EPM2A: variants seen among roughly 807,000 people sequenced by gnomAD.
EPM2A encodes the protein laforin.
In EPM2A, 21 loss-of-function variants were observed where a neutral mutation model predicts 26.5. The observed-to-expected ratio is 0.79, with a 90% CI of 0.56 to 1.14. The LOEUF (loss-of-function observed/expected upper bound fraction) is 1.14. EPM2A is among the 50% of genes most tolerant of loss of function. The pLI is 0.00. For missense variants in EPM2A, 458 were observed against 440.8 expected, an observed-to-expected ratio of 1.04 and a Z score of -0.35; for synonymous variants, 217 against 177.6, an observed-to-expected ratio of 1.22 and a Z score of -1.76.
chr6:145,671,831 T>C (rs1779666451), intron 2 of EPM2A, among the ~76,000 whole-genome samples: 1 of 152,242 alleles, frequency 6.6e-6, no homozygotes, highest in African/African-American at 2.4e-5. Context: ...GGTAAAAGTA[T>C]AAACATGCTT....
intron 2 of EPM2A, among the ~76,000 whole-genome samples, chr6:145,654,926 C>T (rs573369122): frequency 8.6e-5 from 13 of 150,914 alleles, no homozygotes; most frequent in Admixed American, 4.0e-4. Context: ...TTTTTTTTAC[C>T]GATGATAGTA....
intron 2 of EPM2A, among the ~76,000 whole-genome samples, chr6:145,683,268 GGTGTGTGTGTGTGT>G (rs35326843): frequency 9.0e-5 from 12 of 134,010 alleles, no homozygotes; most frequent in Admixed American, 4.8e-4. Flanking sequence ...CCCAGGATTT[GGTGTGTGTGTGTGT>G]GTGTGTGTGT....
chr6:145,496,656 CTG>C (rs1244020796), downstream of EPM2A, among the ~76,000 whole-genome samples: 2 of 151,062 alleles, frequency 1.3e-5, no homozygotes, highest in African/African-American at 4.9e-5. Context: ...AATTCCTGTA[CTG>C]TGTTTTTCAG....
chr6:145,735,574 C>T (rs2128650235), upstream of EPM2A: 2 of 1,101,106 alleles, frequency 1.8e-6, no homozygotes, highest in East Asian at 5.2e-5. Flanking sequence ...ACTAGGCGGC[C>T]GCAGCGATTG....
intron 2 of EPM2A, among the ~76,000 whole-genome samples, chr6:145,574,607 G>A (rs1480078308): frequency 6.6e-6 from 1 of 152,170 alleles, no homozygotes; most frequent in East Asian, 1.9e-4. Flanking sequence ...CAGCTGGGAT[G>A]AGTAGGTCTA....
chr6:145,625,507 T>G lies in EPM2A; in HGVS notation c.*1909A>C. ...TATCATGGAAATTATGAAGCTGGAT[T>G]TCTTAGACATTAAAGAAATTCACAG... On this transcript the variant is annotated 3_prime_UTR_variant, in exon 4 of 4. Transcript: ENST00000367519. 1.8e-6 allele frequency: 1 copy of G among 556,404 alleles called. No homozygotes were observed. The highest frequency in any genetic ancestry group is 2.9e-5 in the East Asian group (1 of 34,678). 34.5% of individuals were successfully genotyped at this position (556,404 alleles called of 1,614,324 possible).
At chr6:145,678,222 C>T (rs1005703274) in intron 2 of EPM2A, among the ~76,000 whole-genome samples, 3 of 152,094 alleles carry the variant, frequency 2.0e-5, no homozygotes, top group East Asian at 3.9e-4. Flanking sequence ...AACTGGCTAG[C>T]AGTATGTAGA....
intron 1 of EPM2A, among the ~76,000 whole-genome samples, chr6:145,724,752 A>G (rs1430223773): frequency 6.6e-6 from 1 of 152,074 alleles, no homozygotes; most frequent in East Asian, 1.9e-4. Context: ...AATAATGGAC[A>G]GTATTTTCAA....
intron 2 of EPM2A, among the ~76,000 whole-genome samples, chr6:145,545,733 A>G (rs1780574270): frequency 6.6e-6 from 1 of 152,106 alleles, no homozygotes; most frequent in Non-Finnish European, 1.5e-5. Context: ...TGCTCATTGC[A>G]TCTACCTCAC....
At chr6:145,540,223 C>T (rs749625759) in intron 2 of EPM2A, among the ~76,000 whole-genome samples, 1 of 152,144 alleles carries the variant, frequency 6.6e-6, no homozygotes, top group South Asian at 2.1e-4. Flanking sequence ...TGCTGTATCT[C>T]AAACTTTCTA....
At chr6:145,482,521 T>C (rs1779622981) in intron 4 of EPM2A, among the ~76,000 whole-genome samples, 1 of 152,124 alleles carries the variant, frequency 6.6e-6, no homozygotes, top group Non-Finnish European at 1.5e-5. Flanking sequence ...TCTATTTATT[T>C]AAATAAAAGT....
intron 2 of EPM2A, among the ~76,000 whole-genome samples, chr6:145,532,495 G>A (rs1321197444): frequency 6.6e-6 from 1 of 152,122 alleles, no homozygotes; most frequent in African/African-American, 2.4e-5. Flanking sequence ...GCTCTCTGGG[G>A]GTGGGGGGAG....
At chr6:145,651,495 G>C (rs556071600) in intron 2 of EPM2A, among the ~76,000 whole-genome samples, 1 of 152,194 alleles carries the variant, frequency 6.6e-6, no homozygotes, top group Non-Finnish European at 1.5e-5. Flanking sequence ...TCAATGTAAA[G>C]GAAGCTGGTC....
intron 2 of EPM2A, among the ~76,000 whole-genome samples, chr6:145,651,270 T>C (rs1179667113): frequency 1.3e-5 from 2 of 152,246 alleles, no homozygotes; most frequent in Non-Finnish European, 2.9e-5. Flanking sequence ...ACAATTTGTC[T>C]TGAAGTAAGG....
chr6:145,591,833 A>G (rs1781277437), intron 2 of EPM2A, among the ~76,000 whole-genome samples: 1 of 151,926 alleles, frequency 6.6e-6, no homozygotes, highest in African/African-American at 2.4e-5. Context: ...TTTTTATTTT[A>G]TTAATAATAG....
chr6:145,455,018 T>C (rs968792408), intron 4 of EPM2A, among the ~76,000 whole-genome samples: 1 of 152,156 alleles, frequency 6.6e-6, no homozygotes, highest in Non-Finnish European at 1.5e-5. Flanking sequence ...TGTACACATA[T>C]ATAAACATAG....
chr6:145,717,701 T>C (rs1276369969), intron 1 of EPM2A, among the ~76,000 whole-genome samples: 2 of 150,104 alleles, frequency 1.3e-5, no homozygotes, highest in Admixed American at 6.7e-5. Flanking sequence ...GACGACATGA[T>C]TGTATATCTA....
intron 2 of EPM2A, among the ~76,000 whole-genome samples, chr6:145,566,376 G>T (rs184461505): frequency 2.3e-4 from 35 of 152,288 alleles, no homozygotes; most frequent in African/African-American, 8.4e-4. Flanking sequence ...GACAGTTCCT[G>T]GTTTGTGGAC....
intron 2 of EPM2A, among the ~76,000 whole-genome samples, chr6:145,562,127 G>GAA (rs755571602): frequency 1.4e-5 from 2 of 140,260 alleles, no homozygotes; most frequent in African/African-American, 2.7e-5. Context: ...ATTACAAAAA[G>GAA]GAAAAAAAAA....
Sources: gnomAD v4.1 joint callset for allele counts (sites outside exome capture counted in the v4.1 genomes callset) on GRCh38, gnomAD v4.1.1 for gene constraint, MANE v1.5 for transcripts, NCBI Gene and HGNC (gene_info 2026-07-23, HGNC 2026-07-21) for gene names.